TBC1D19: variants seen among roughly 807,000 people sequenced by gnomAD.
The protein encoded by TBC1D19 is TBC1 domain family, member 19.
TBC1D19 carries 60 observed loss-of-function variants against 89.0 expected under a neutral mutation model. The observed-to-expected ratio is 0.67, with a 90% CI of 0.55 to 0.84. The LOEUF is 0.84. TBC1D19 is among the 40% of genes least tolerant of loss of function. The pLI, the probability that TBC1D19 is intolerant of heterozygous loss-of-function variation, is 0.00. For synonymous variants in TBC1D19, 189 were observed against 199.7 expected, an observed-to-expected ratio of 0.95 and a Z score of 0.45; for missense variants, 500 against 610.8, an observed-to-expected ratio of 0.82 and a Z score of 1.91.
chr4:26,693,397 A>T (rs986977793), intron 13 of TBC1D19, among the ~76,000 whole-genome samples: 1 of 152,198 alleles, frequency 6.6e-6, no homozygotes, highest in Non-Finnish European at 1.5e-5. Context: ...AGCCATGCTT[A>T]AAAAAGTAAA....
chr4:26,675,672 A>C (rs759964263), intron 11 of TBC1D19, among the ~76,000 whole-genome samples: 49 of 152,154 alleles, frequency 3.2e-4, no homozygotes, highest in Non-Finnish European at 6.6e-4. Context: ...ACTACTTCTT[A>C]TTAGGAATAC....
chr4:26,616,088 T>G (rs766134062), intron 3 of TBC1D19, among the ~76,000 whole-genome samples: 2 of 152,178 alleles, frequency 1.3e-5, no homozygotes, highest in Non-Finnish European at 2.9e-5. Context: ...GATATTATTT[T>G]TATTCCTCAT....
intron 1 of TBC1D19, among the ~76,000 whole-genome samples, chr4:26,586,112 G>C (rs2109932351): frequency 6.9e-6 from 1 of 145,600 alleles, no homozygotes; most frequent in Admixed American, 6.9e-5. Context: ...CCTAAATGTA[G>C]AAGTGTGATC....
intron 20 of TBC1D19, 131 bp downstream of exon 20, chr4:26,754,021 A>G: frequency 1.2e-6 from 1 of 814,028 alleles, no homozygotes; most frequent in Non-Finnish European, 2.0e-6. Flanking sequence ...AAACCTGTTA[A>G]GTTCTGAGCT....
the TBC1D19 span, among the ~76,000 whole-genome samples, chr4:26,797,493 G>A: frequency 2.6e-5 from 4 of 152,038 alleles, no homozygotes; most frequent in African/African-American, 7.2e-5. Context: ...GATTCAATGC[G>A]ATCCCTATTA....
the TBC1D19 span, among the ~76,000 whole-genome samples, chr4:26,792,928 C>T: frequency 6.6e-6 from 1 of 152,190 alleles, no homozygotes; most frequent in Admixed American, 6.5e-5. Context: ...GGAAAATGGG[C>T]CTATTAAGGA....
chr4:26,730,840 T>C (rs893557852), intron 15 of TBC1D19, among the ~76,000 whole-genome samples: 1 of 152,196 alleles, frequency 6.6e-6, no homozygotes, highest in Non-Finnish European at 1.5e-5. Context: ...AGGAGGTGTA[T>C]ACCTTCTCTT....
intron 1 of TBC1D19, among the ~76,000 whole-genome samples, chr4:26,597,050 G>A (rs142407537): frequency 6.6e-6 from 1 of 152,258 alleles, no homozygotes; most frequent in Non-Finnish European, 1.5e-5. Flanking sequence ...GCCATTGTTG[G>A]ATTAGATTAC....
rs1298279554 is a variant in TBC1D19, at chr4:26,584,223, CATT to C, written c.34_36del (p.Ile12del). The C allele has an allele frequency of 1.2e-6, 2 of 1,612,544 alleles. No individual in the cohort carries two copies. Among genetic ancestry groups the C allele is most frequent in the African/African-American group, 2.7e-5 (2 of 74,918 alleles). On this transcript the variant is annotated inframe_deletion, in exon 1 of 21. Coordinates refer to ENST00000264866, the MANE Select transcript of TBC1D19 (RefSeq NM_018317.4). ...TGCAGGAGGAGTCGGACCTCTCTCT[CATT>C]ATTGCCCAGATAGTCCAAAAGCTCA... is the stretch of plus-strand genomic sequence containing the variant.
the TBC1D19 span, among the ~76,000 whole-genome samples, chr4:26,818,846 G>A: frequency 6.6e-5 from 10 of 152,152 alleles, no homozygotes; most frequent in East Asian, 5.8e-4. Context: ...CCAGGTACCC[G>A]TAAATACTTC....
chr4:26,577,569 G>T (rs1738999845), intron 1 of TBC1D19, among the ~76,000 whole-genome samples: 1 of 152,174 alleles, frequency 6.6e-6, no homozygotes, highest in South Asian at 2.1e-4. Flanking sequence ...TAGACAGGTT[G>T]GGTTCCCCCA....
chr4:26,682,823 C>A (rs1377688994), intron 11 of TBC1D19, among the ~76,000 whole-genome samples: 1 of 152,142 alleles, frequency 6.6e-6, no homozygotes, highest in Non-Finnish European at 1.5e-5. Context: ...CCTTTCCTCC[C>A]TTATTCTCTC....
chr4:26,672,053 T>G (rs1025419757), intron 9 of TBC1D19, 96 bp from the exon 10 acceptor site: 2 of 588,534 alleles, frequency 3.4e-6, no homozygotes, highest in Admixed American at 9.0e-5. Flanking sequence ...TAAAAATCAT[T>G]AAATGTATCA....
At chr4:26,694,637 A>T (rs1158397726) in intron 13 of TBC1D19, among the ~76,000 whole-genome samples, 1 of 152,212 alleles carries the variant, frequency 6.6e-6, no homozygotes, top group Non-Finnish European at 1.5e-5. Context: ...ACTGGGAGTC[A>T]TCCCCCAGTA....
the TBC1D19 span, among the ~76,000 whole-genome samples, chr4:26,857,451 G>A: frequency 3.3e-5 from 5 of 152,364 alleles, no homozygotes; most frequent in East Asian, 9.7e-4. Context: ...GGGAGGGCGA[G>A]GCGCCGGAAT....
the TBC1D19 span, among the ~76,000 whole-genome samples, chr4:26,828,757 G>A: frequency 6.6e-6 from 1 of 152,172 alleles, no homozygotes; most frequent in African/African-American, 2.4e-5. Flanking sequence ...AAGACTGTAA[G>A]GAAACCCTGA....
chr4:26,645,984 G>T (rs1289762382), intron 7 of TBC1D19, among the ~76,000 whole-genome samples: 5 of 150,740 alleles, frequency 3.3e-5, no homozygotes, highest in Non-Finnish European at 7.4e-5. Flanking sequence ...TTAGCCGGGC[G>T]TAGTGGCGGG....
rs779035892 is a variant in TBC1D19, at chr4:26,638,846, A to AT, written c.433+18dup. 7 of 1,597,572 alleles carry AT rather than the reference A, an allele frequency of 4.4e-6. No individual in the cohort carries two copies. The highest frequency in any genetic ancestry group is 5.1e-6 in the Non-Finnish European group (6 of 1,171,906). ...AACTGATGAACCAGGTATGTGAACA[A>AT]TTTTTTCTGAATGTAGTAGTGGAAA... On this transcript the variant is annotated intron_variant, in intron 6 of 20. Coordinates refer to ENST00000264866, the MANE Select transcript of TBC1D19 (RefSeq NM_018317.4).
At chr4:26,604,770 A>G (rs1740869944) in intron 1 of TBC1D19, among the ~76,000 whole-genome samples, 1 of 151,690 alleles carries the variant, frequency 6.6e-6, no homozygotes, top group Non-Finnish European at 1.5e-5. Flanking sequence ...AGTCCTAGCT[A>G]CTCGGGAGGC....
Sources: gnomAD v4.1 joint callset for allele counts (sites outside exome capture counted in the v4.1 genomes callset) on GRCh38, gnomAD v4.1.1 for gene constraint, MANE v1.5 for transcripts, NCBI Gene and HGNC (gene_info 2026-07-23, HGNC 2026-07-21) for gene names.